DOCK1: variants seen among roughly 807,000 people sequenced by gnomAD.
The protein encoded by DOCK1 is dedicator of cytokinesis protein 1.
DOCK1 carries 138 observed loss-of-function variants against 262.7 expected under a neutral mutation model. The observed-to-expected ratio is 0.53, with a 90% confidence interval of 0.46 to 0.61. The LOEUF (loss-of-function observed/expected upper bound fraction) is 0.61, where lower values mean the gene tolerates loss of function less well. DOCK1 is among the 20% of genes least tolerant of loss of function. The pLI is 0.00. For synonymous variants in DOCK1, 866 were observed against 867.4 expected, an observed-to-expected ratio of 1.00 and a Z score of 0.03; for missense variants, 1,908 against 2,370.7, an observed-to-expected ratio of 0.80 and a Z score of 4.05.
chr10:127,359,601 A>G (rs1322127330), intron 32 of DOCK1, among the ~76,000 whole-genome samples: 1 of 152,266 alleles, frequency 6.6e-6, no homozygotes, highest in East Asian at 1.9e-4. Context: ...CAGGACTTTC[A>G]GAAACATTAA....
chr10:127,012,202 C>T lies in DOCK1; in HGVS notation c.1059-30C>T, dbSNP rs753318502. On this transcript the variant is annotated intron_variant, in intron 11 of 51. Transcript: ENST00000623213. The surrounding 1 kb of genome is among the most constrained non-coding windows in gnomAD (Gnocchi z 4.0). ...ATGGGTCTCTGTGCCCCTTTGTCTC[C>T]TGTGGTCTTGGTCGTCCCGTGCCCT... The T allele has an allele frequency of 4.0e-6, 5 of 1,239,932 alleles. No individual in the cohort carries two copies. The highest frequency in any genetic ancestry group is 2.4e-5 in the South Asian group (2 of 82,830). The allele number at this position is 1,239,932 out of a possible 1,614,324, so 76.8% of individuals were successfully genotyped here.
At chr10:126,931,896 G>C (rs2034218307) in intron 1 of DOCK1, among the ~76,000 whole-genome samples, 1 of 152,258 alleles carries the variant, frequency 6.6e-6, no homozygotes, top group African/African-American at 2.4e-5. Context: ...AGCCCAGCCA[G>C]CTCAAACTCA....
chr10:127,161,416 C>T (rs551269647), intron 27 of DOCK1, among the ~76,000 whole-genome samples: 2 of 152,272 alleles, frequency 1.3e-5, no homozygotes, highest in African/African-American at 4.8e-5. Context: ...CATCTGTCAG[C>T]CAGCATCCAA....
At chr10:127,220,229 G>C (rs1375216206) in intron 27 of DOCK1, among the ~76,000 whole-genome samples, 2 of 151,860 alleles carry the variant, frequency 1.3e-5, no homozygotes, top group Non-Finnish European at 2.9e-5. Flanking sequence ...AGAGTTTGGA[G>C]TTTGCAGAGA....
chr10:127,352,853 A>C (rs1174244192), intron 31 of DOCK1, among the ~76,000 whole-genome samples: 1 of 152,122 alleles, frequency 6.6e-6, no homozygotes, highest in Non-Finnish European at 1.5e-5. Context: ...TCGGCCTCCC[A>C]AAGTGCTGGG....
At chr10:127,152,177 A>T (rs572987336) in intron 27 of DOCK1, among the ~76,000 whole-genome samples, 1 of 152,098 alleles carries the variant, frequency 6.6e-6, no homozygotes, top group African/African-American at 2.4e-5. Flanking sequence ...AACTCTGAGT[A>T]CGTGCCAGGT....
intron 48 of DOCK1, 139 bp downstream of exon 48, chr10:127,433,567 T>A: frequency 8.3e-7 from 1 of 1,203,338 alleles, no homozygotes; most frequent in South Asian, 1.8e-5. Flanking sequence ...ACTGAGACCC[T>A]CCGAGACTTT....
chr10:126,991,605 T>C (rs1018845326), intron 6 of DOCK1, among the ~76,000 whole-genome samples: 2 of 151,990 alleles, frequency 1.3e-5, no homozygotes, highest in African/African-American at 4.8e-5. Context: ...TCTTGGCCCA[T>C]TGCAATCCCC....
At chr10:127,312,094 C>T (rs1461717074) in intron 29 of DOCK1, among the ~76,000 whole-genome samples, 3 of 152,048 alleles carry the variant, frequency 2.0e-5, no homozygotes, top group Non-Finnish European at 2.9e-5. Flanking sequence ...CATATATTCT[C>T]GTGGTTCAAA....
intron 48 of DOCK1, among the ~76,000 whole-genome samples, chr10:127,434,362 C>G (rs780743520): frequency 4.6e-5 from 7 of 152,164 alleles, no homozygotes; most frequent in Non-Finnish European, 8.8e-5. Flanking sequence ...GAGGCAGACT[C>G]TCACTCTGCC....
At chr10:127,420,254 A>T (rs1165152001) in intron 46 of DOCK1, among the ~76,000 whole-genome samples, 1 of 152,148 alleles carries the variant, frequency 6.6e-6, no homozygotes, top group Non-Finnish European at 1.5e-5. Flanking sequence ...TGTTCTACTT[A>T]TGCTCCTGGG....
At chr10:127,032,348 C>A (rs2043298811) in intron 18 of DOCK1, 28 bp downstream of exon 18, 3 of 1,480,452 alleles carry the variant, frequency 2.0e-6, no homozygotes, top group Non-Finnish European at 2.7e-6. Context: ...AACACACTCA[C>A]CCCAGGAGCT....
chr10:127,185,126 G>A (rs2056108208), intron 27 of DOCK1, among the ~76,000 whole-genome samples: 1 of 152,188 alleles, frequency 6.6e-6, no homozygotes, highest in Admixed American at 6.5e-5. Flanking sequence ...ACTTTGCTTT[G>A]CTTTGTGTCG....
rs2070657064 is a variant in DOCK1, at chr10:127,447,502, T to C, written c.5522T>C (p.Leu1841Ser). 6.2e-7 allele frequency: 1 copy of C among 1,613,910 alleles called. No homozygotes were observed. The highest frequency in any genetic ancestry group is 8.5e-7 in the Non-Finnish European group (1 of 1,179,874). The change falls in exon 51 of 52, where the codon TTG becomes TCG. Residue 1841 changes from leucine (L) to serine (S), a missense_variant. Transcript: ENST00000623213. ...GGGAATTTGATGGAAAACCAGGACT[T>C]GCTGGGCTCGCCAACACCTCCACCT... is the stretch of plus-strand genomic sequence containing the variant. Reference protein sequence around the residue: ...DYGNLMENQDLLGSPTPPPPP... With the variant: ...DYGNLMENQDSLGSPTPPPPP...
rs1200189195 is a variant in DOCK1, at chr10:127,384,875, A to G, written c.3893A>G (p.Tyr1298Cys). The G allele has an allele frequency of 1.2e-6, 2 of 1,605,710 alleles. No homozygotes were observed. Among genetic ancestry groups the G allele is most frequent in the South Asian group, 2.2e-5 (2 of 89,582 alleles). The change falls in exon 38 of 52, where the codon TAC becomes TGC. Residue 1298 changes from tyrosine (Y) to cysteine (C), a missense_variant. Around this residue, in one of 9 missense-constraint regions of DOCK1, gnomAD observed 267 missense variants for 366.3 expected, o/e 0.73. Coordinates refer to ENST00000623213, the MANE Select transcript of DOCK1 (RefSeq NM_001290223.2). The part of the protein sequence containing the change: ...TTQGQLKEQL[Y>C]QEIIHYFDKG... ...CAGGGACAGCTGAAGGAGCAGCTCT[A>G]CCAGGAAATCATCCACTACTTCGAC...
At chr10:127,029,461 C>T (rs2135510591) in intron 16 of DOCK1, among the ~76,000 whole-genome samples, 1 of 152,372 alleles carries the variant, frequency 6.6e-6, no homozygotes, top group Admixed American at 6.5e-5. Context: ...TTTCCAGCAA[C>T]CTGTCGGCAA....
At chr10:127,030,706 A>C (rs376835682) in intron 16 of DOCK1, among the ~76,000 whole-genome samples, 1 of 152,232 alleles carries the variant, frequency 6.6e-6, no homozygotes. Context: ...GCAGTAAAAC[A>C]AAAGGTCACT....
At chr10:127,161,563 C>T (rs2053596658) in intron 27 of DOCK1, among the ~76,000 whole-genome samples, 1 of 152,198 alleles carries the variant, frequency 6.6e-6, no homozygotes, top group African/African-American at 2.4e-5. Flanking sequence ...ACTGGCAAGG[C>T]TGTTTGGAGT....
intron 4 of DOCK1, among the ~76,000 whole-genome samples, chr10:126,986,052 C>T (rs1043445386): frequency 1.3e-5 from 2 of 152,088 alleles, no homozygotes; most frequent in African/African-American, 4.8e-5. Context: ...CGGGGTTTCA[C>T]CATGTTGGCC....
Sources: gnomAD v4.1 joint callset for allele counts (sites outside exome capture counted in the v4.1 genomes callset) on GRCh38, gnomAD v4.1.1 for gene constraint, gnomAD v4.1.1 regional missense constraint, Gnocchi (gnomAD v3.1) non-coding constraint, MANE v1.5 for transcripts, NCBI Gene and HGNC (gene_info 2026-07-23, HGNC 2026-07-21) for gene names.